Variants in PHLDB1 observed in about 807,000 individuals in gnomAD.
The protein encoded by PHLDB1 is pleckstrin homology like domain family B member 1.
PHLDB1 carries 65 observed loss-of-function variants against 139.3 expected under a neutral mutation model. The ratio of observed to expected loss-of-function variants is 0.47; its 90% CI spans 0.38 to 0.57. The LOEUF is 0.57. PHLDB1 is among the 20% of genes least tolerant of loss of function. PHLDB1 has a pLI of 0.00. For synonymous variants in PHLDB1, 679 were observed against 734.5 expected (o/e 0.92, Z 1.22); for missense variants, 1,624 against 1,839.7 (o/e 0.88, Z 2.14).
In PHLDB1 at chr11:118,645,229, G is replaced by A. The variant is rs551291580; in HGVS notation, c.3122-127G>A. ...GCTGCAGGGGCCTTAGGGAAGCTGC[G>A]GGGAGAGGGGGCTGCTCTGTGTTAA... is the stretch of plus-strand genomic sequence containing the variant. On this transcript the variant is annotated intron_variant, in intron 15 of 22. Transcript: ENST00000600882. The surrounding 1 kb of genome is among the most constrained non-coding windows in gnomAD (Gnocchi z 5.1). 10 of 623,418 alleles carry A rather than the reference G, an allele frequency of 1.6e-5. No individual in the cohort carries two copies. The highest frequency in any genetic ancestry group is 1.4e-4 in the South Asian group (5 of 35,586). The allele number at this position is 623,418 out of a possible 1,614,324, so 38.6% of individuals were successfully genotyped here.
At position 118,643,847 on chromosome 11, in the gene PHLDB1, G is replaced by T. The variant is rs1555123739; in HGVS notation, c.2925G>T (p.Arg975=). Residue 975 remains arginine (R), a synonymous_variant, in exon 14 of 23, where the codon CGG becomes CGT. Transcript: ENST00000600882. ...MDGEATSPLP[R]TRSGPLPSSS... is the part of the protein sequence containing the mutation. ...GCGAGGCCACCAGCCCCCTTCCCCG[G>T]ACCCGCAGCGGCCCCCTCCCCTCCT... is the stretch of plus-strand genomic sequence containing the variant. The T allele has an allele frequency of 1.2e-6, 2 of 1,613,790 alleles. No individual in the cohort carries two copies. The highest frequency in any genetic ancestry group is 1.7e-6 in the Non-Finnish European group (2 of 1,179,902).
intron 4 of PHLDB1, among the ~76,000 whole-genome samples, chr11:118,622,531 A>G (rs187773873): frequency 7.9e-5 from 12 of 152,212 alleles, no homozygotes; most frequent in African/African-American, 2.9e-4. Context: ...GGGGCAGAAA[A>G]CACACAGCTA....
chr11:118,639,070 G>C, intron 11 of PHLDB1, 69 bp downstream of exon 11: 1 of 1,548,102 alleles, frequency 6.5e-7, no homozygotes, highest in Admixed American at 1.7e-5. Context: ...AGAAGGACTG[G>C]GGTGTAAATG....
At chr11:118,635,596 C>T in intron 10 of PHLDB1, 48 bp downstream of exon 10, 2 of 1,444,312 alleles carry the variant, frequency 1.4e-6, no homozygotes, top group Non-Finnish European at 1.8e-6. Context: ...GGCCAGTGAC[C>T]TGGGTTTGAA....
At chr11:118,629,771 C>A (rs782398234) in intron 6 of PHLDB1, among the ~76,000 whole-genome samples, 2 of 152,134 alleles carry the variant, frequency 1.3e-5, no homozygotes, top group African/African-American at 4.8e-5. Context: ...GGGGTCTCAT[C>A]CTGGAGAGGG....
chr11:118,639,752 TCCCTCCCTCCCTCCCTCCCTGCCTC>T, intron 12 of PHLDB1: 3 of 158,710 alleles, frequency 1.9e-5, no homozygotes, highest in Non-Finnish European at 4.2e-5. Flanking sequence ...CCAACTTCGT[TCCCTCCCTCCCTCCCTCCCTGCCTC>T]ACTACACAAA....
Position 118,610,651 on chromosome 11 carries a change from C to G in PHLDB1, c.-22+2952C>G, listed in dbSNP as rs1297789881. 1 of 190,330 alleles carries G rather than the reference C, an allele frequency of 5.3e-6. No individual in the cohort carries two copies. Among genetic ancestry groups the G allele is most frequent in the Non-Finnish European group, 9.7e-6 (1 of 102,582 alleles). The allele number at this position is 190,330 out of a possible 1,614,324, so 11.8% of individuals were successfully genotyped here. On this transcript the variant is annotated intron_variant, in intron 1 of 22. Transcript: ENST00000600882. This position sits in a 1 kb window ranked among gnomAD's most constrained non-coding sequence, Gnocchi z 8.7. ...CTGGGACTCCGTGGGAGCCCGGGAG[C>G]TGTGTCAGTGCCCGTTGGTGCTGGA...
At position 118,627,718 on chromosome 11, in the gene PHLDB1, C is replaced by G; in HGVS notation, c.895C>G (p.Pro299Ala). The change falls in exon 6 of 23, where the codon CCA (proline) becomes GCA (alanine). Residue 299 changes from proline (P) to alanine (A), a missense_variant. Physicochemically the swap from Pro to Ala is conservative, Grantham distance 27 (BLOSUM62 -1). Coordinates refer to ENST00000600882, the MANE Select transcript of PHLDB1 (RefSeq NM_001144758.3). ...SSSYHLALQP[P>A]QSRPSGARSE... ...CAGCTACCATCTGGCCCTACAGCCC[C>G]CACAGTCCCGCCCAAGTGGTGCTCG... 6.2e-7 allele frequency: 1 copy of G among 1,610,158 alleles called. No homozygotes were observed.
chr11:118,625,849 T>G (rs1192938782), intron 5 of PHLDB1, among the ~76,000 whole-genome samples: 1 of 152,186 alleles, frequency 6.6e-6, no homozygotes, highest in Non-Finnish European at 1.5e-5. Context: ...CTCCATAATT[T>G]TGGACCCAAA....
In PHLDB1 at chr11:118,643,858, G is replaced by GC; in HGVS notation, c.2941dup (p.Leu981ProfsTer22). 1 of 1,613,434 alleles carries GC rather than the reference G, an allele frequency of 6.2e-7. No individual in the cohort carries two copies. The highest frequency in any genetic ancestry group is 8.5e-7 in the Non-Finnish European group (1 of 1,179,598). ...AGCCCCCTTCCCCGGACCCGCAGCG[G>GC]CCCCCTCCCCTCCTCCTCTGGCTCT... On this transcript the variant is annotated frameshift_variant, in exon 14 of 23. Coordinates refer to ENST00000600882, the MANE Select transcript of PHLDB1 (RefSeq NM_001144758.3). LOFTEE classifies it high-confidence loss of function.
chr11:118,646,878 T>C (rs941290569), intron 17 of PHLDB1: 1 of 152,312 alleles, frequency 6.6e-6, no homozygotes, highest in Admixed American at 6.5e-5. Context: ...ATGCCTCCTA[T>C]CTTATTTATG....
Position 118,645,702 on chromosome 11 carries a change from T to C in PHLDB1, c.3417-33T>C, listed in dbSNP as rs782462689. The C allele has an allele frequency of 5.0e-5, 81 of 1,611,546 alleles. No homozygotes were observed. Among genetic ancestry groups the C allele is most frequent in the Non-Finnish European group, 6.5e-5 (76 of 1,177,792 alleles). On this transcript the variant is annotated intron_variant, in intron 16 of 22. Coordinates refer to ENST00000600882, the MANE Select transcript of PHLDB1 (RefSeq NM_001144758.3). This position sits in a 1 kb window ranked among gnomAD's most constrained non-coding sequence, Gnocchi z 5.1. ...CTCCCTCAGCCACCGCCTCAGCTCC[T>C]TGATGCACTTCCTCTTCCCCTTCTC...
In PHLDB1 at chr11:118,631,192, G is replaced by C. The variant is rs782171251; in HGVS notation, c.1828-15G>C. 2 of 1,419,090 alleles carry C rather than the reference G, an allele frequency of 1.4e-6. No homozygotes were observed. The highest frequency in any genetic ancestry group is 2.8e-5 in the Admixed American group (1 of 35,250). The allele number at this position is 1,419,090 out of a possible 1,614,324, so 87.9% of individuals were successfully genotyped here. On this transcript the variant is annotated splice_polypyrimidine_tract_variant and intron_variant, in intron 6 of 22. Coordinates refer to ENST00000600882, the MANE Select transcript of PHLDB1 (RefSeq NM_001144758.3). ...CTTCCTCCCCTTCATGTCCTGCTCT[G>C]TCCATCCTCCCCAGGAACGCCAGCG...
chr11:118,628,959 C>G (rs1026099328), intron 6 of PHLDB1, among the ~76,000 whole-genome samples: 3 of 152,218 alleles, frequency 2.0e-5, no homozygotes, highest in Non-Finnish European at 4.4e-5. Flanking sequence ...TCTAGGAAAA[C>G]ATACCACAGG....
At position 118,650,204 on chromosome 11, in the gene PHLDB1, T is replaced by G; in HGVS notation, c.3771+11T>G. 6.3e-7 allele frequency: 1 copy of G among 1,589,948 alleles called. No individual in the cohort carries two copies. The highest frequency in any genetic ancestry group is 1.1e-5 in the South Asian group (1 of 90,582). ...GTGCTCAGCAGCAAGGTACAAGGCGTGTGTGGCCCTGGGGTGCTGGGGAGA... is the reference window on the plus strand; with the variant it reads ...GTGCTCAGCAGCAAGGTACAAGGCGGGTGTGGCCCTGGGGTGCTGGGGAGA... On this transcript the variant is annotated intron_variant, in intron 19 of 22. Coordinates refer to ENST00000600882, the MANE Select transcript of PHLDB1 (RefSeq NM_001144758.3). This position sits in a 1 kb window ranked among gnomAD's most constrained non-coding sequence, Gnocchi z 4.7.
chr11:118,631,093 G>T (rs1944728641), intron 6 of PHLDB1, 114 bp from the exon 7 acceptor site: 7 of 945,842 alleles, frequency 7.4e-6, no homozygotes, highest in Non-Finnish European at 1.0e-5. Flanking sequence ...TGACACTGAT[G>T]TCCTAGCCCC....
At chr11:118,609,639 T>C (rs1460266630) in intron 1 of PHLDB1, among the ~76,000 whole-genome samples, 1 of 152,066 alleles carries the variant, frequency 6.6e-6, no homozygotes, top group Non-Finnish European at 1.5e-5. Context: ...GAACGGGCGG[T>C]GTCTGTGGGG....
rs150789866 is a variant in PHLDB1, at chr11:118,610,417, C to T, written c.-22+2718C>T. On this transcript the variant is annotated intron_variant, in intron 1 of 22. Coordinates refer to ENST00000600882, the MANE Select transcript of PHLDB1 (RefSeq NM_001144758.3). The surrounding 1 kb of genome is among the most constrained non-coding windows in gnomAD (Gnocchi z 8.7). ...GCCCTTTCTCGAGGGCGGATGTGCG[C>T]CTGGAGGGCGAAGGCGGCGGCCGAG... is the stretch of plus-strand genomic sequence containing the variant. 1,953 of 984,438 alleles carry T rather than the reference C, an allele frequency of 2.0e-3. 3 individuals are homozygous for T. Among genetic ancestry groups the T allele is most frequent in the Non-Finnish European group, 2.2e-3 (1,825 of 829,008 alleles). The allele number at this position is 984,438 out of a possible 1,614,324, so 61.0% of individuals were successfully genotyped here.
intron 10 of PHLDB1, among the ~76,000 whole-genome samples, chr11:118,636,033 G>A (rs625287): frequency 0.017 from 2,620 of 152,290 alleles, 73 homozygotes; most frequent in African/African-American, 0.059. Flanking sequence ...AGGGTTATTG[G>A]GTATTGTGGC....
Sources: gnomAD v4.1 joint callset for allele counts (sites outside exome capture counted in the v4.1 genomes callset) on GRCh38, gnomAD v4.1.1 for gene constraint, Gnocchi (gnomAD v3.1) non-coding constraint, MANE v1.5 for transcripts, NCBI Gene and HGNC (gene_info 2026-07-23, HGNC 2026-07-21) for gene names.